AMZ2: variants seen among roughly 807,000 people sequenced by gnomAD.
AMZ2 encodes archaemetzincin-2.
AMZ2 carries 26 observed loss-of-function variants against 36.7 expected under a neutral mutation model. The observed-to-expected ratio is 0.71, with a 90% CI of 0.52 to 0.98. The LOEUF (loss-of-function observed/expected upper bound fraction) is 0.98, where lower values mean the gene tolerates loss of function less well. Ranked by LOEUF, AMZ2 falls within the 50% of genes least tolerant of loss-of-function variation. The pLI, the probability that AMZ2 is intolerant of heterozygous loss-of-function variation, is 0.00. For missense variants in AMZ2, 394 were observed against 430.5 expected, an observed-to-expected ratio of 0.92 and a Z score of 0.75; for synonymous variants, 144 against 149.1, an observed-to-expected ratio of 0.97 and a Z score of 0.25.
chr17:68,256,977 CA>C lies in AMZ2; in HGVS notation c.*11del. The C allele has an allele frequency of 6.2e-7, 1 of 1,610,178 alleles. No individual in the cohort carries two copies. The highest frequency in any genetic ancestry group is 8.5e-7 in the Non-Finnish European group (1 of 1,178,624). ...GCTGTTCTCCAAAAATGAGGACCTT[CA>C]AATAGGAGTGATTGAAATAAATAAC... On this transcript the variant is annotated 3_prime_UTR_variant, in exon 7 of 7. Transcript: ENST00000359904.
chr17:68,230,308 A>G (rs1410463921), intron 1 of AMZ2, among the ~76,000 whole-genome samples: 4 of 152,204 alleles, frequency 2.6e-5, no homozygotes, highest in Non-Finnish European at 4.4e-5. Flanking sequence ...TCCTGACCCC[A>G]GGTGATCCAC....
intron 1 of AMZ2, among the ~76,000 whole-genome samples, chr17:68,236,499 T>C (rs1555732567): frequency 6.7e-6 from 1 of 149,002 alleles, no homozygotes; most frequent in East Asian, 2.0e-4. Flanking sequence ...TGCTAAAAAA[T>C]ATCAAGAAGA....
intron 1 of AMZ2, among the ~76,000 whole-genome samples, chr17:68,219,226 A>C (rs1394774932): frequency 3.9e-4 from 59 of 152,186 alleles, no homozygotes; most frequent in Admixed American, 2.7e-3. Context: ...CAGCCTCCCA[A>C]AGTGCTGAGA....
In AMZ2 at chr17:68,248,333, G is replaced by A; in HGVS notation, c.-373G>A. 2 of 986,068 alleles carry A rather than the reference G, an allele frequency of 2.0e-6. No individual in the cohort carries two copies. Among genetic ancestry groups the A allele is most frequent in the Non-Finnish European group, 2.4e-6 (2 of 830,150 alleles). The allele number at this position is 986,068 out of a possible 1,614,324, so 61.1% of individuals were successfully genotyped here. On this transcript the variant is annotated 5_prime_UTR_variant, in exon 1 of 7. Coordinates refer to ENST00000359904, the MANE Select transcript of AMZ2 (RefSeq NM_016627.5). Reference sequence around the variant, plus strand: ...AGAAGAGGCGAAGCGAGAGTCCCTGGGGAACCCCCACTCCACTCCCAGCTG... The same window carrying A: ...AGAAGAGGCGAAGCGAGAGTCCCTGAGGAACCCCCACTCCACTCCCAGCTG...
At position 68,209,434 on chromosome 17, in the gene AMZ2, T is replaced by TCCGC. The variant is rs2072948790; in HGVS notation, c.-67+3198_-67+3201dup. On this transcript the variant is annotated intron_variant, in intron 1 of 7. Transcript: ENST00000674770. ...GTCTCAAATTGCTGACCTCAAGTGATCCGCCTGCCTCTGCCTCCCAAAGTG... is the reference window on the plus strand; with the variant it reads ...GTCTCAAATTGCTGACCTCAAGTGATCCGCCCGCCTGCCTCTGCCTCCCAAAGTG... Among the ~76,000 whole-genome samples the TCCGC allele has an allele frequency of 3.3e-5, 5 of 151,666 alleles. No individual in the cohort carries two copies. The South Asian group carries it at 1.0e-3, about 32-fold the overall frequency.
At chr17:68,211,638 ATC>A (rs547394013) in intron 1 of AMZ2, among the ~76,000 whole-genome samples, 4 of 150,644 alleles carry the variant, frequency 2.7e-5, no homozygotes, top group Admixed American at 2.0e-4. Context: ...AATTAATTAT[ATC>A]TCAATAAAAA....
upstream of AMZ2, among the ~76,000 whole-genome samples, chr17:68,243,844 A>G (rs571014584): frequency 3.4e-4 from 52 of 152,358 alleles, no homozygotes; most frequent in African/African-American, 1.2e-3. Flanking sequence ...ACAAAAATAA[A>G]TGAACCTAAC....
chr17:68,256,146 C>T (rs2074888192), intron 6 of AMZ2, among the ~76,000 whole-genome samples: 1 of 152,174 alleles, frequency 6.6e-6, no homozygotes, highest in Admixed American at 6.5e-5. Context: ...CTTGACTTTG[C>T]AGAACAGAAT....
chr17:68,210,008 G>T (rs2072993414), intron 1 of AMZ2, among the ~76,000 whole-genome samples: 1 of 151,852 alleles, frequency 6.6e-6, no homozygotes, highest in Admixed American at 6.6e-5. Flanking sequence ...TCACTAGCAG[G>T]GCTGTAATGT....
At chr17:68,249,884 C>T in intron 1 of AMZ2, 1 of 338,412 alleles carries the variant, frequency 3.0e-6, no homozygotes. Flanking sequence ...TGGCCTCAAG[C>T]AATCCTCCTA....
intron 1 of AMZ2, among the ~76,000 whole-genome samples, chr17:68,241,921 TTG>T (rs2073910467): frequency 6.6e-6 from 1 of 150,862 alleles, no homozygotes; most frequent in African/African-American, 2.4e-5. Flanking sequence ...TTTTTTTTTT[TTG>T]TAGCAGAGAC....
upstream of AMZ2, among the ~76,000 whole-genome samples, chr17:68,243,045 A>G (rs2073935384): frequency 6.8e-6 from 1 of 147,020 alleles, no homozygotes; most frequent in South Asian, 2.1e-4. Context: ...CTCTGTCTCA[A>G]AAAAAAAAAA....
chr17:68,228,942 GC>G (rs1389135127), intron 1 of AMZ2, among the ~76,000 whole-genome samples: 1 of 152,232 alleles, frequency 6.6e-6, no homozygotes, highest in Admixed American at 6.5e-5. Flanking sequence ...AAGAGCTTGT[GC>G]TGTCTTCAGT....
intron 1 of AMZ2, among the ~76,000 whole-genome samples, chr17:68,241,727 C>CTAG: frequency 1.3e-5 from 2 of 150,274 alleles, no homozygotes; most frequent in South Asian, 4.2e-4. Flanking sequence ...ATTATTATTA[C>CTAG]TATTATTATT....
chr17:68,247,778 G>C (rs1429750362), upstream of AMZ2: 4 of 985,592 alleles, frequency 4.1e-6, no homozygotes, highest in Non-Finnish European at 4.8e-6. Flanking sequence ...TCGAGAACCG[G>C]GCCGCGGAGC....
intron 1 of AMZ2, among the ~76,000 whole-genome samples, chr17:68,213,381 C>T (rs1432526840): frequency 1.3e-5 from 2 of 152,204 alleles, no homozygotes; most frequent in African/African-American, 2.4e-5. Flanking sequence ...GGCTACTTTG[C>T]GTCTTCAGCT....
chr17:68,255,588 G>A, intron 5 of AMZ2, 112 bp from the exon 6 acceptor site: 1 of 1,128,640 alleles, frequency 8.9e-7, no homozygotes, highest in Non-Finnish European at 1.3e-6. Context: ...AAGTTTTGGT[G>A]GTAATGGTAA....
At chr17:68,242,024 G>A (rs553786110) in intron 1 of AMZ2, among the ~76,000 whole-genome samples, 16 of 151,916 alleles carry the variant, frequency 1.1e-4, no homozygotes, top group African/African-American at 3.9e-4. Context: ...GATTACAGGC[G>A]TGAGCCATTG....
chr17:68,215,972 C>A (rs1555727140), intron 1 of AMZ2, among the ~76,000 whole-genome samples: 1 of 152,046 alleles, frequency 6.6e-6, no homozygotes, highest in Non-Finnish European at 1.5e-5. Context: ...GTTTCAGAGA[C>A]CTGTAAAAAG....
Sources: allele counts gnomAD v4.1 joint callset (sites outside exome capture counted in the v4.1 genomes callset), GRCh38; gene constraint gnomAD v4.1.1; transcripts MANE v1.5; gene names NCBI Gene and HGNC (gene_info 2026-07-23, HGNC 2026-07-21).